SNX27: variants seen among roughly 807,000 people sequenced by gnomAD.
SNX27 encodes sorting nexin-27.
SNX27 carries 22 observed loss-of-function variants against 71.6 expected under a neutral mutation model. The ratio of observed to expected loss-of-function variants is 0.31; its 90% CI spans 0.22 to 0.44. SNX27 has a LOEUF of 0.44. Ranked by LOEUF, SNX27 falls within the 20% of genes least tolerant of loss-of-function variation. The pLI is 1.00. For synonymous variants in SNX27, 269 were observed against 277.2 expected (o/e 0.97, Z 0.29); for missense variants, 531 against 698.6 (o/e 0.76, Z 2.70).
At chr1:151,651,593 C>A (rs1246345064) in intron 2 of SNX27, among the ~76,000 whole-genome samples, 1 of 151,900 alleles carries the variant, frequency 6.6e-6, no homozygotes, top group Non-Finnish European at 1.5e-5. Flanking sequence ...GTGCTCCTCA[C>A]ATCCCAGACG....
At chr1:151,664,592 A>T (rs1670110015) in intron 5 of SNX27, among the ~76,000 whole-genome samples, 1 of 152,006 alleles carries the variant, frequency 6.6e-6, no homozygotes, top group Non-Finnish European at 1.5e-5. Flanking sequence ...TTTAATCCTA[A>T]CTTGATCAGA....
chr1:151,655,872 A>C (rs1391695700), intron 2 of SNX27, among the ~76,000 whole-genome samples: 1 of 152,216 alleles, frequency 6.6e-6, no homozygotes, highest in Non-Finnish European at 1.5e-5. Context: ...ACTCTACTTC[A>C]TATTATATAG....
At chr1:151,674,427 G>T (rs777623470) in intron 7 of SNX27, among the ~76,000 whole-genome samples, 1 of 152,026 alleles carries the variant, frequency 6.6e-6, no homozygotes, top group Non-Finnish European at 1.5e-5. Flanking sequence ...AGTTGTTGTA[G>T]TTATTACTTT....
chr1:151,668,433 C>G (rs1196031713), intron 6 of SNX27, 39 bp from the exon 7 acceptor site: 3 of 1,581,652 alleles, frequency 1.9e-6, no homozygotes, highest in South Asian at 2.3e-5. Context: ...TTTCTTATAT[C>G]TTTTCACTCC....
chr1:151,668,326 C>A, intron 6 of SNX27, 146 bp from the exon 7 acceptor site: 1 of 665,866 alleles, frequency 1.5e-6, no homozygotes, highest in Non-Finnish European at 2.3e-6. Flanking sequence ...CTGTTTTGTG[C>A]TCCCAAGGCA....
chr1:151,618,183 A>G (rs1189980407), intron 1 of SNX27, among the ~76,000 whole-genome samples: 1 of 152,068 alleles, frequency 6.6e-6, no homozygotes, highest in African/African-American at 2.4e-5. Context: ...TTACATTCAT[A>G]TAAACGTCGA....
At chr1:151,616,520 G>T (rs576773193) in intron 1 of SNX27, among the ~76,000 whole-genome samples, 19 of 152,114 alleles carry the variant, frequency 1.2e-4, no homozygotes, top group Non-Finnish European at 2.8e-4. Flanking sequence ...ATAAAACTGT[G>T]TATATCAATT....
chr1:151,671,399 G>A (rs1485109968), intron 7 of SNX27, among the ~76,000 whole-genome samples: 6 of 151,692 alleles, frequency 4.0e-5, no homozygotes, highest in Admixed American at 6.6e-5. Flanking sequence ...CACCATGCCC[G>A]ACTGATTTTT....
intron 7 of SNX27, chr1:151,680,471 T>C (rs1331174927): frequency 1.3e-5 from 2 of 152,106 alleles, no homozygotes; most frequent in African/African-American, 4.8e-5. Context: ...ATTTCTTGAT[T>C]AGAAATGAAA....
chr1:151,630,671 A>G (rs543626631), intron 1 of SNX27, among the ~76,000 whole-genome samples: 29 of 152,202 alleles, frequency 1.9e-4, no homozygotes, highest in Admixed American at 3.3e-4. Context: ...TTGCTTACAC[A>G]TGTCTAATCT....
intron 10 of SNX27, 29 bp from the exon 11 acceptor site, chr1:151,693,395 T>A: frequency 6.2e-7 from 1 of 1,610,944 alleles, no homozygotes; most frequent in Non-Finnish European, 8.5e-7. Context: ...TCTTGAGAAG[T>A]TAGTGAGTGT....
At chr1:151,660,962 C>T (rs1210609045) in intron 4 of SNX27, 100 bp downstream of exon 4, 1 of 849,446 alleles carries the variant, frequency 1.2e-6, no homozygotes, top group African/African-American at 1.7e-5. Flanking sequence ...CATAAGCTCT[C>T]CAAAGGACTC....
intron 7 of SNX27, 41 bp from the exon 8 acceptor site, chr1:151,683,315 T>A (rs1671050588): frequency 6.6e-7 from 1 of 1,514,956 alleles, no homozygotes; most frequent in African/African-American, 1.4e-5. Context: ...ATAATAATGA[T>A]TTTTACACTC....
At chr1:151,665,160 TGAAAA>T (rs1229866384) in intron 5 of SNX27, among the ~76,000 whole-genome samples, 1 of 152,216 alleles carries the variant, frequency 6.6e-6, no homozygotes, top group African/African-American at 2.4e-5. Context: ...AGGTTGATCT[TGAAAA>T]GAAATTTTGT....
intron 1 of SNX27, chr1:151,614,030 G>C (rs1667316198): frequency 6.6e-6 from 1 of 151,874 alleles, no homozygotes; most frequent in African/African-American, 2.4e-5. Context: ...TTGAAAATCT[G>C]CCTTATAGAG....
intron 1 of SNX27, among the ~76,000 whole-genome samples, chr1:151,626,670 C>G (rs1242411016): frequency 6.6e-6 from 1 of 151,802 alleles, no homozygotes; most frequent in East Asian, 1.9e-4. Context: ...CCACTGCACT[C>G]CAGCCTGGGC....
rs1668591377 is a variant in SNX27, at chr1:151,638,879, T to C, written c.312-9T>C. ...TTATGGGATTGTCTTTTTCCCTTTT[T>C]CCCCTTAGGAACCACGTGAATGTTG... On this transcript the variant is annotated splice_polypyrimidine_tract_variant and intron_variant, in intron 1 of 11. Coordinates refer to ENST00000458013, the MANE Select transcript of SNX27 (RefSeq NM_001330723.2). 1 of 1,613,868 alleles carries C rather than the reference T, an allele frequency of 6.2e-7. No homozygotes were observed. The highest frequency in any genetic ancestry group is 1.3e-5 in the African/African-American group (1 of 74,906).
intron 9 of SNX27, 60 bp downstream of exon 9, chr1:151,692,644 C>A (rs936216189): frequency 8.9e-6 from 14 of 1,571,682 alleles, no homozygotes; most frequent in Non-Finnish European, 8.6e-6. Flanking sequence ...TGCTCACTTG[C>A]TTGTGACGTT....
rs536268060 is a variant in SNX27, at chr1:151,637,693, T to TG, written c.312-1189dup. 5.5e-3 allele frequency among the ~76,000 whole-genome samples: 840 copies of TG among 152,270 alleles called. 7 individuals carry two copies. The highest frequency in any genetic ancestry group is 0.018 in the African/African-American group (766 of 41,544). On this transcript the variant is annotated intron_variant, in intron 1 of 11. Transcript: ENST00000458013. ...CTAAATTAAATCCCAGGAGGCTAGC[T>TG]GGGGGGTCTCCTGACTGTTCTGTTT...
Sources: gnomAD v4.1 joint callset for allele counts (sites outside exome capture counted in the v4.1 genomes callset) on GRCh38, gnomAD v4.1.1 for gene constraint, MANE v1.5 for transcripts, NCBI Gene and HGNC (gene_info 2026-07-23, HGNC 2026-07-21) for gene names.